The following PLD3 variants were observed in gnomAD, a reference collection of about 807,000 sequenced individuals.
The protein encoded by PLD3 is 5'-3' exonuclease PLD3.
In PLD3, 31 loss-of-function variants were observed where a neutral mutation model predicts 58.4. The observed-to-expected ratio is 0.53, with a 90% confidence interval of 0.40 to 0.72. The LOEUF (loss-of-function observed/expected upper bound fraction) is 0.72, where lower values mean the gene tolerates loss of function less well. PLD3 is among the 30% of genes least tolerant of loss of function. PLD3 has a pLI of 0.00. For missense variants in PLD3, 595 were observed against 659.8 expected (o/e 0.90, Z 1.08); for synonymous variants, 264 against 273.4 (o/e 0.97, Z 0.34).
chr19:40,353,268 A>G (rs2078563300), intron 1 of PLD3, among the ~76,000 whole-genome samples: 2 of 152,128 alleles, frequency 1.3e-5, no homozygotes, highest in South Asian at 4.1e-4. Context: ...TGTCTTTACA[A>G]AAAATACAAA....
At chr19:40,359,778 G>C (rs930389315) in intron 1 of PLD3, 1 of 152,196 alleles carries the variant, frequency 6.6e-6, no homozygotes, top group African/African-American at 2.4e-5. Flanking sequence ...GAGCTGTTAG[G>C]AGACTTGACA....
chr19:40,352,077 C>A (rs1461459721), intron 1 of PLD3, among the ~76,000 whole-genome samples: 1 of 151,952 alleles, frequency 6.6e-6, no homozygotes, highest in Non-Finnish European at 1.5e-5. Context: ...TTCGAAACCA[C>A]CCTGACCAAC....
intron 1 of PLD3, among the ~76,000 whole-genome samples, chr19:40,365,352 A>T (rs940261579): frequency 2.6e-5 from 4 of 152,152 alleles, no homozygotes; most frequent in Non-Finnish European, 4.4e-5. Flanking sequence ...GGCTTTTTTT[A>T]AAAAATCAAA....
chr19:40,376,748 A>T lies in PLD3; in HGVS notation c.1159A>T (p.Asn387Tyr). The change falls in exon 11 of 13, where the codon AAC (asparagine) becomes TAC (tyrosine). Residue 387 changes from asparagine (N) to tyrosine (Y), a missense_variant. By Grantham distance (143) the Asn-to-Tyr change is moderately radical. Transcript: ENST00000409735. Reference protein sequence around the residue: ...FLLSLAALRDNHTHSDIQVKL... With the variant: ...FLLSLAALRDYHTHSDIQVKL... The stretch of plus-strand genomic sequence containing the variant: ...GCTCTCTCTGGCTGCCCTGCGTGAC[A>T]ACCATACCCACTCTGACATCCAGGT... The T allele has an allele frequency of 6.2e-7, 1 of 1,600,506 alleles. No individual in the cohort carries two copies. Among genetic ancestry groups the T allele is most frequent in the South Asian group, 1.1e-5 (1 of 91,080 alleles).
At chr19:40,374,368 G>T in intron 9 of PLD3, 113 bp from the exon 10 acceptor site, 2 of 1,127,600 alleles carry the variant, frequency 1.8e-6, no homozygotes, top group South Asian at 2.9e-5. Flanking sequence ...CATGGAGGCT[G>T]AGGATTTGGT....
intron 5 of PLD3, chr19:40,367,177 C>T: frequency 2.1e-6 from 1 of 475,772 alleles, no homozygotes; most frequent in Non-Finnish European, 3.7e-6. Context: ...CATCTCAATA[C>T]ACGACCTTCC....
chr19:40,352,997 C>T (rs931138021), intron 1 of PLD3, among the ~76,000 whole-genome samples: 7 of 152,134 alleles, frequency 4.6e-5, no homozygotes, highest in African/African-American at 1.7e-4. Flanking sequence ...CAAGAAGCCC[C>T]ATTGTCTCAC....
chr19:40,367,264 T>G (rs2145686963), intron 5 of PLD3: 1 of 272,584 alleles, frequency 3.7e-6, no homozygotes, highest in South Asian at 1.1e-4. Flanking sequence ...TTAAAAAATT[T>G]TTTTTAAAAG....
intron 1 of PLD3, among the ~76,000 whole-genome samples, chr19:40,349,958 CA>C (rs969019790): frequency 7.1e-6 from 1 of 140,908 alleles, no homozygotes. Flanking sequence ...GACTCCGTCT[CA>C]AAAAAAAATA....
Position 40,371,616 on chromosome 19 carries a change from C to T in PLD3, c.679-57C>T, listed in dbSNP as rs979086401. On this transcript the variant is annotated intron_variant, in intron 8 of 12. Coordinates refer to ENST00000409735, the MANE Select transcript of PLD3 (RefSeq NM_012268.4). ...GACAGAGACCAGACTGGGGAGTGTC[C>T]CTGTCATCTGTGAGCACTAGGCCGC... 1.3e-5 allele frequency: 16 copies of T among 1,195,160 alleles called. No homozygotes were observed. In the African/African-American group the frequency reaches 2.4e-4, roughly 18 times the overall value. 74.0% of individuals were successfully genotyped at this position (1,195,160 alleles called of 1,614,324 possible).
intron 8 of PLD3, among the ~76,000 whole-genome samples, chr19:40,371,147 T>C (rs1385370658): frequency 6.6e-6 from 1 of 152,220 alleles, no homozygotes; most frequent in Non-Finnish European, 1.5e-5. Flanking sequence ...GAGGTGAAGA[T>C]AAGACAGGAC....
intron 10 of PLD3, among the ~76,000 whole-genome samples, chr19:40,375,422 G>A (rs1320693117): frequency 2.6e-5 from 4 of 151,716 alleles, no homozygotes; most frequent in African/African-American, 2.4e-5. Context: ...AGGCTGAGGC[G>A]GGTGGATCAC....
intron 6 of PLD3, 125 bp downstream of exon 6, chr19:40,368,004 T>G (rs2078972218): frequency 6.3e-6 from 5 of 788,792 alleles, no homozygotes; most frequent in Admixed American, 2.8e-5. Context: ...CACAGCAGAT[T>G]GGACACAGGT....
chr19:40,377,765 C>T, intron 11 of PLD3, 21 bp from the exon 12 acceptor site: 4 of 1,593,926 alleles, frequency 2.5e-6, no homozygotes, highest in Non-Finnish European at 3.4e-6. Context: ...ACACTCCTTC[C>T]CATCCTCCCC....
intron 10 of PLD3, 124 bp downstream of exon 10, chr19:40,374,744 G>C (rs2079151841): frequency 2.8e-6 from 3 of 1,057,558 alleles, no homozygotes; most frequent in South Asian, 2.9e-5. Flanking sequence ...AAGCTGCAGG[G>C]AGAGACAGTC....
rs972973472 is a variant in PLD3 at position 40,378,383 on chromosome 19, C to T, written c.*210C>T. 5 of 666,024 alleles carry T rather than the reference C, an allele frequency of 7.5e-6. No individual in the cohort carries two copies. The African/African-American group carries it at 9.0e-5, about 12-fold the overall frequency. The allele number at this position is 666,024 out of a possible 1,614,324, so 41.3% of individuals were successfully genotyped here. A position where few individuals can be genotyped will look rare whatever the true frequency, so the allele number is the denominator to read the frequency against. ...CAGAGCTGGGGGAGGGATCAGCCCC[C>T]AAAGAAATGGGGGTGCATGCTGGGC... On this transcript the variant is annotated 3_prime_UTR_variant, in exon 13 of 13. Coordinates refer to ENST00000409735, the MANE Select transcript of PLD3 (RefSeq NM_012268.4).
At chr19:40,364,370 G>T (rs937783325) in intron 1 of PLD3, among the ~76,000 whole-genome samples, 1 of 148,802 alleles carries the variant, frequency 6.7e-6, no homozygotes, top group Non-Finnish European at 1.5e-5. Context: ...AAGAAAATAG[G>T]GGCCAGATGT....
intron 9 of PLD3, 46 bp from the exon 10 acceptor site, chr19:40,374,435 G>A (rs765878029): frequency 8.1e-6 from 13 of 1,607,226 alleles, no homozygotes; most frequent in Middle Eastern, 1.7e-4. Context: ...CCGTTGTGAC[G>A]ATGACCCTGG....
At chr19:40,365,155 C>T (rs543378779) in intron 1 of PLD3, among the ~76,000 whole-genome samples, 2 of 152,190 alleles carry the variant, frequency 1.3e-5, no homozygotes, top group African/African-American at 4.8e-5. Flanking sequence ...GTCCCTGTCT[C>T]ATTGAGAGAG....
Sources: gnomAD v4.1 joint callset for allele counts (sites outside exome capture counted in the v4.1 genomes callset) on GRCh38, gnomAD v4.1.1 for gene constraint, MANE v1.5 for transcripts, NCBI Gene and HGNC (gene_info 2026-07-23, HGNC 2026-07-21) for gene names.